LRRTM4: variants seen among roughly 807,000 people sequenced by gnomAD.
The protein encoded by LRRTM4 is leucine-rich repeat transmembrane neuronal protein 4.
LRRTM4 carries 25 observed loss-of-function variants against 47.6 expected under a neutral mutation model. The observed-to-expected ratio is 0.53, with a 90% CI of 0.38 to 0.73. The LOEUF (loss-of-function observed/expected upper bound fraction) is 0.73. Ranked by LOEUF, LRRTM4 falls within the 30% of genes least tolerant of loss-of-function variation. The pLI is 0.00. For synonymous variants in LRRTM4, 311 were observed against 269.5 expected, an observed-to-expected ratio of 1.15 and a Z score of -1.51; for missense variants, 638 against 713.4, an observed-to-expected ratio of 0.89 and a Z score of 1.20.
At chr2:77,206,574 T>C (rs112379715) in intron 3 of LRRTM4, among the ~76,000 whole-genome samples, 3,439 of 151,984 alleles carry the variant, frequency 0.023, 139 homozygotes, top group African/African-American at 0.079. Flanking sequence ...AACCTCCGCC[T>C]CCCGGGTTCA....
chr2:77,013,485 TGA>T (rs1366328386), intron 3 of LRRTM4, among the ~76,000 whole-genome samples: 3 of 145,462 alleles, frequency 2.1e-5, no homozygotes, highest in African/African-American at 5.3e-5. Context: ...CAGCCAAGCC[TGA>T]GAGAGTCTGA....
chr2:76,832,365 G>C (rs922177448), intron 3 of LRRTM4, among the ~76,000 whole-genome samples: 15 of 149,808 alleles, frequency 1.0e-4, no homozygotes, highest in Non-Finnish European at 1.8e-4. Flanking sequence ...ATAAACATAA[G>C]TACTTCTCTG....
intron 3 of LRRTM4, among the ~76,000 whole-genome samples, chr2:77,468,378 C>A (rs1409072000): frequency 6.6e-6 from 1 of 152,118 alleles, no homozygotes; most frequent in Non-Finnish European, 1.5e-5. Context: ...TATAGAACAT[C>A]ATACACATTT....
rs76742059 is a variant in LRRTM4, at chr2:77,461,241, A to C, written c.1551+57077T>G. 1.7e-3 allele frequency among the ~76,000 whole-genome samples: 256 copies of C among 152,176 alleles called. 1 individual carries two copies. Among genetic ancestry groups the C allele is most frequent in the Non-Finnish European group, 3.2e-3 (217 of 67,996 alleles). On this transcript the variant is annotated intron_variant, in intron 3 of 3. Transcript: ENST00000409884. ...GTTATTTTATAAAACATGAAAATATATGGGAACAGATTAATCTCCTGCAGA... is the reference window on the plus strand; with the variant it reads ...GTTATTTTATAAAACATGAAAATATCTGGGAACAGATTAATCTCCTGCAGA...
chr2:77,428,606 A>G (rs1675223364), intron 3 of LRRTM4, among the ~76,000 whole-genome samples: 1 of 152,188 alleles, frequency 6.6e-6, no homozygotes, highest in South Asian at 2.1e-4. Context: ...TTTTTTAGAT[A>G]TAGGCTCTAA....
At chr2:76,793,276 G>T (rs1440687260) in intron 3 of LRRTM4, among the ~76,000 whole-genome samples, 1 of 152,112 alleles carries the variant, frequency 6.6e-6, no homozygotes, top group Non-Finnish European at 1.5e-5. Flanking sequence ...AGAGTGTTTA[G>T]ATACCAAGGG....
intron 3 of LRRTM4, among the ~76,000 whole-genome samples, chr2:77,053,425 T>C (rs1432413596): frequency 6.6e-6 from 1 of 152,110 alleles, no homozygotes; most frequent in Non-Finnish European, 1.5e-5. Context: ...ATATATATTA[T>C]AAGGAACTAA....
At chr2:77,129,617 C>T (rs1310631375) in intron 3 of LRRTM4, among the ~76,000 whole-genome samples, 1 of 152,086 alleles carries the variant, frequency 6.6e-6, no homozygotes, top group Non-Finnish European at 1.5e-5. Flanking sequence ...AAGATATTTG[C>T]CTCTACTTTA....
At chr2:77,137,376 G>A (rs1005659311) in intron 3 of LRRTM4, among the ~76,000 whole-genome samples, 7 of 151,798 alleles carry the variant, frequency 4.6e-5, no homozygotes, top group African/African-American at 9.7e-5. Context: ...GCCAAACTAA[G>A]CTTCGTAAGT....
intron 3 of LRRTM4, among the ~76,000 whole-genome samples, chr2:76,937,561 A>T (rs1674997926): frequency 6.6e-6 from 1 of 152,098 alleles, no homozygotes; most frequent in South Asian, 2.1e-4. Flanking sequence ...TATCTTTACA[A>T]AATCTTTCTT....
At chr2:77,403,168 C>T (rs1008493839) in intron 3 of LRRTM4, among the ~76,000 whole-genome samples, 1 of 151,894 alleles carries the variant, frequency 6.6e-6, no homozygotes, top group African/African-American at 2.4e-5. Context: ...TGTAAAGTAC[C>T]TAATCTGACT....
chr2:77,231,541 C>T (rs573162298), intron 3 of LRRTM4, among the ~76,000 whole-genome samples: 3 of 151,784 alleles, frequency 2.0e-5, no homozygotes, highest in African/African-American at 7.3e-5. Flanking sequence ...TATAAATGGA[C>T]ATATATAGAG....
At position 77,107,426 on chromosome 2, in the gene LRRTM4, T is replaced by C. The variant is rs74567369; in HGVS notation, c.1552-358510A>G. 1.1e-3 allele frequency among the ~76,000 whole-genome samples: 173 copies of C among 152,334 alleles called. 2 individuals carry two copies. The highest frequency in any genetic ancestry group is 1.8e-3 in the Non-Finnish European group (123 of 68,018). ...CTTTTTTGAAATATATACACATATA[T>C]ACTTTTTTCTTTCTTGGAAAAATGA... On this transcript the variant is annotated intron_variant, in intron 3 of 3. Coordinates refer to ENST00000409884, the MANE Select transcript of LRRTM4 (RefSeq NM_001134745.3).
intron 3 of LRRTM4, among the ~76,000 whole-genome samples, chr2:77,003,235 GCTT>G (rs1440763771): frequency 1.3e-5 from 2 of 151,338 alleles, no homozygotes; most frequent in African/African-American, 2.4e-5. Context: ...TATAATTTAA[GCTT>G]TTTTTATAAT....
Position 77,183,236 on chromosome 2 carries a change from A to C in LRRTM4, c.1551+335082T>G, listed in dbSNP as rs149501871. ...CTACAATGAACTCCAACAAATTTAC[A>C]ACAAAAAAACAACCCCATCAAAACG... On this transcript the variant is annotated intron_variant, in intron 3 of 3. Coordinates refer to ENST00000409884, the MANE Select transcript of LRRTM4 (RefSeq NM_001134745.3). Among the ~76,000 whole-genome samples the C allele has an allele frequency of 4.0e-3, 606 of 152,314 alleles. 5 individuals carry two copies. Among genetic ancestry groups the C allele is most frequent in the African/African-American group, 0.013 (541 of 41,564 alleles).
chr2:76,882,314 A>T (rs1672955037), intron 3 of LRRTM4, among the ~76,000 whole-genome samples: 1 of 150,968 alleles, frequency 6.6e-6, no homozygotes, highest in Non-Finnish European at 1.5e-5. Flanking sequence ...CTGAAACATT[A>T]TTTATTATTA....
At chr2:77,023,657 C>G (rs1344462666) in intron 3 of LRRTM4, among the ~76,000 whole-genome samples, 1 of 152,204 alleles carries the variant, frequency 6.6e-6, no homozygotes, top group Non-Finnish European at 1.5e-5. Context: ...TTTGATAAAA[C>G]ATAACAAGAG....
chr2:76,842,167 G>C (rs1468681511), intron 3 of LRRTM4, among the ~76,000 whole-genome samples: 1 of 152,132 alleles, frequency 6.6e-6, no homozygotes, highest in Non-Finnish European at 1.5e-5. Context: ...ACAAAAGGTT[G>C]AATTAACTCT....
intron 3 of LRRTM4, among the ~76,000 whole-genome samples, chr2:76,765,684 G>A (rs923748008): frequency 6.6e-6 from 1 of 152,214 alleles, no homozygotes; most frequent in Non-Finnish European, 1.5e-5. Flanking sequence ...TCAGAATGAA[G>A]CCTTCCTTGC....
Sources: gnomAD v4.1 joint callset for allele counts (sites outside exome capture counted in the v4.1 genomes callset) on GRCh38, gnomAD v4.1.1 for gene constraint, MANE v1.5 for transcripts, NCBI Gene and HGNC (gene_info 2026-07-23, HGNC 2026-07-21) for gene names.